PCDHGA7: variants seen among roughly 807,000 people sequenced by gnomAD.
PCDHGA7 encodes protocadherin gamma-A7.
A neutral mutation model predicts 58.3 loss-of-function variants in PCDHGA7; 44 were observed. The ratio of observed to expected loss-of-function variants is 0.75; its 90% CI spans 0.59 to 0.97. PCDHGA7 has a LOEUF of 0.97. Among genes scored for constraint, PCDHGA7 ranks in the 50% least tolerant of loss-of-function variants. The probability of loss-of-function intolerance (pLI) is 0.00; values close to 1 mark genes in which losing one functional copy is unlikely to be tolerated. For synonymous variants in PCDHGA7, 516 were observed against 504.2 expected, an observed-to-expected ratio of 1.02 and a Z score of -0.31; for missense variants, 1,266 against 1,188.7, an observed-to-expected ratio of 1.06 and a Z score of -0.96.
At position 141,383,843 on chromosome 5, in the gene PCDHGA7, A is replaced by T; in HGVS notation, c.944A>T (p.Tyr315Phe). Residue 315 changes from tyrosine (Y) to phenylalanine (F), a missense_variant, in exon 1 of 4, where the codon TAT becomes TTT. By Grantham distance (22) the Tyr-to-Phe change is conservative. Coordinates refer to ENST00000518325, the MANE Select transcript of PCDHGA7 (RefSeq NM_018920.4). ...TTAGATTATGAAGAAACTGCCTTCT[A>T]TGAAATGGAGGTTCAGGCTCAAGAT... ...EGLDYEETAF[Y>F]EMEVQAQDGP... The T allele has an allele frequency of 6.2e-7, 1 of 1,613,970 alleles. No individual in the cohort carries two copies. The highest frequency in any genetic ancestry group is 8.5e-7 in the Non-Finnish European group (1 of 1,179,874).
intron 1 of PCDHGA7, chr5:141,441,209 G>A (rs1276958461): frequency 1.3e-5 from 2 of 152,158 alleles, no homozygotes; most frequent in East Asian, 3.9e-4. Flanking sequence ...TCTGCACCTT[G>A]GACAGTAATC....
At chr5:141,411,227 G>A (rs1276536852) in intron 1 of PCDHGA7, 1 of 152,092 alleles carries the variant, frequency 6.6e-6, no homozygotes, top group Non-Finnish European at 1.5e-5. Context: ...TCAAATTTGC[G>A]AAGACTTAGT....
intron 1 of PCDHGA7, chr5:141,404,040 G>C (rs1373988780): frequency 6.2e-7 from 1 of 1,613,692 alleles, no homozygotes; most frequent in Non-Finnish European, 8.5e-7. Flanking sequence ...GCACCTCAGG[G>C]AACAGTAATT....
Position 141,476,511 on chromosome 5 carries a change from A to G in PCDHGA7, c.2425-18296A>G, listed in dbSNP as rs1562054650. Reference sequence around the variant, plus strand: ...GTGATCCAGGACATCAACGACAACAATCCTGCTTTCCCTACCCAGGAAATG... The same window carrying G: ...GTGATCCAGGACATCAACGACAACAGTCCTGCTTTCCCTACCCAGGAAATG... On this transcript the variant is annotated intron_variant, in intron 1 of 3. Transcript: ENST00000518325. The surrounding 1 kb of genome is among the most constrained non-coding windows in gnomAD (Gnocchi z 7.6). The G allele has an allele frequency of 5.0e-6, 8 of 1,613,902 alleles. No individual in the cohort carries two copies. The highest frequency in any genetic ancestry group is 6.8e-6 in the Non-Finnish European group (8 of 1,179,960).
intron 1 of PCDHGA7, chr5:141,399,935 A>G (rs2093920920): frequency 1.9e-6 from 3 of 1,612,300 alleles, no homozygotes; most frequent in Non-Finnish European, 2.5e-6. Context: ...CTGTCCTACC[A>G]CGTGCTGCAG....
chr5:141,510,978 G>A lies in PCDHGA7; in HGVS notation c.2604G>A (p.Gly868=), dbSNP rs2099883535. 1.2e-6 allele frequency: 2 copies of A among 1,614,160 alleles called. No homozygotes were observed. The change falls in exon 4 of 4, where the codon GGG becomes GGA. Residue 868 remains glycine, a synonymous_variant. Transcript: ENST00000518325. The part of the protein sequence containing the change: ...EAADGSSTLG[G]GAGTMGLSAR... Reference sequence around the variant, plus strand: ...CTGATGGGAGCTCCACCCTGGGAGGGGGTGCCGGCACCATGGGATTGAGCG... The same window carrying A: ...CTGATGGGAGCTCCACCCTGGGAGGAGGTGCCGGCACCATGGGATTGAGCG...
At chr5:141,405,880 G>T (rs2094729430) in intron 1 of PCDHGA7, among the ~76,000 whole-genome samples, 1 of 152,110 alleles carries the variant, frequency 6.6e-6, no homozygotes, top group Non-Finnish European at 1.5e-5. Flanking sequence ...GGGCCTAATT[G>T]TTGCTCCAAC....
rs201160783 is a variant in PCDHGA7, at chr5:141,418,846, A to G, written c.2424+33523A>G. The G allele has an allele frequency of 7.4e-5, 120 of 1,613,976 alleles. No homozygotes were observed. In the East Asian group the frequency reaches 2.6e-3, roughly 34 times the overall value. On this transcript the variant is annotated intron_variant, in intron 1 of 3. Transcript: ENST00000518325. Reference sequence around the variant, plus strand: ...CAAAAGACCGAGGATCTCTCTCAACACGGTGTAAAGTAATTGTAGAAGTTG... The same window carrying G: ...CAAAAGACCGAGGATCTCTCTCAACGCGGTGTAAAGTAATTGTAGAAGTTG...
At chr5:141,398,293 T>A in intron 1 of PCDHGA7, 1 of 1,383,344 alleles carries the variant, frequency 7.2e-7, no homozygotes, top group Non-Finnish European at 9.9e-7. Flanking sequence ...GGACCTGGGG[T>A]TCAGCGTCCA....
chr5:141,489,191 T>C lies in PCDHGA7; in HGVS notation c.2425-5616T>C. On this transcript the variant is annotated intron_variant, in intron 1 of 3. Coordinates refer to ENST00000518325, the MANE Select transcript of PCDHGA7 (RefSeq NM_018920.4). The surrounding 1 kb of genome is among the most constrained non-coding windows in gnomAD (Gnocchi z 4.5). ...CTGCATTCCAAGCCCTGGGTCTACC[T>C]TGGAGACAGGACAGCACAGACTTAC... The C allele has an allele frequency of 7.3e-7, 1 of 1,364,400 alleles. No homozygotes were observed. Among genetic ancestry groups the C allele is most frequent in the Middle Eastern group, 1.9e-4 (1 of 5,334 alleles). The allele number at this position is 1,364,400 out of a possible 1,614,324, so 84.5% of individuals were successfully genotyped here. A position where few individuals can be genotyped will look rare whatever the true frequency, so the allele number is the denominator to read the frequency against.
At chr5:141,425,802 C>T (rs966768224) in intron 1 of PCDHGA7, among the ~76,000 whole-genome samples, 6 of 152,160 alleles carry the variant, frequency 3.9e-5, no homozygotes, top group African/African-American at 1.4e-4. Context: ...ATGTGCATTG[C>T]TTCTGCTTAG....
chr5:141,384,001 C>G lies in PCDHGA7; in HGVS notation c.1102C>G (p.Leu368Val), dbSNP rs1561599904. 1 of 1,613,828 alleles carries G rather than the reference C, an allele frequency of 6.2e-7. No individual in the cohort carries two copies. ...CACACCTCTTGGGACAGTCATTGCTCTTTTCTACCTACAAGACAGAGATTC... is the reference window on the plus strand; with the variant it reads ...CACACCTCTTGGGACAGTCATTGCTGTTTTCTACCTACAAGACAGAGATTC... Reference protein sequence around the residue: ...EDTPLGTVIALFYLQDRDSGK... With the variant: ...EDTPLGTVIAVFYLQDRDSGK... The change falls in exon 1 of 4, where the codon CTT becomes GTT. Residue 368 changes from leucine to valine, a missense_variant. Physicochemically the swap from Leu to Val is conservative, Grantham distance 32. Transcript: ENST00000518325.
intron 1 of PCDHGA7, chr5:141,404,548 G>C (rs761765539): frequency 1.2e-5 from 20 of 1,613,740 alleles, no homozygotes. Context: ...AAATGCAGGT[G>C]ACGGCAAGTG....
At chr5:141,441,878 TG>T in intron 1 of PCDHGA7, 1 of 343,708 alleles carries the variant, frequency 2.9e-6, no homozygotes, top group Non-Finnish European at 5.6e-6. Context: ...CCTGGCTACC[TG>T]GTCACCAAGG....
intron 2 of PCDHGA7, among the ~76,000 whole-genome samples, chr5:141,496,207 T>C (rs973745475): frequency 6.6e-6 from 1 of 152,134 alleles, no homozygotes; most frequent in Non-Finnish European, 1.5e-5. Flanking sequence ...CAATCTGGTA[T>C]GAATTCCTGC....
intron 1 of PCDHGA7, among the ~76,000 whole-genome samples, chr5:141,456,023 G>A (rs937523861): frequency 1.3e-5 from 2 of 151,586 alleles, no homozygotes; most frequent in South Asian, 2.1e-4. Context: ...TCAGCCTCCC[G>A]AGTAGCTGGG....
chr5:141,470,550 A>G (rs899475300), intron 1 of PCDHGA7, among the ~76,000 whole-genome samples: 1 of 152,120 alleles, frequency 6.6e-6, no homozygotes, highest in Non-Finnish European at 1.5e-5. Flanking sequence ...ATTTATTGAG[A>G]GTTTCCTCTG....
intron 1 of PCDHGA7, among the ~76,000 whole-genome samples, chr5:141,457,254 A>G (rs2098914828): frequency 6.6e-6 from 1 of 152,222 alleles, no homozygotes; most frequent in Admixed American, 6.5e-5. Flanking sequence ...TTGCCAACAT[A>G]TAGAATTCCC....
chr5:141,491,876 A>G lies in PCDHGA7; in HGVS notation c.2425-2931A>G. ...TTGCGCGAAACCAGAGTGGCCGATT[A>G]AGGGATGGGGCTCCGAGCACCGGGG... On this transcript the variant is annotated intron_variant, in intron 1 of 3. Coordinates refer to ENST00000518325, the MANE Select transcript of PCDHGA7 (RefSeq NM_018920.4). The surrounding 1 kb of genome is among the most constrained non-coding windows in gnomAD (Gnocchi z 6.9). 2.1e-6 allele frequency: 3 copies of G among 1,450,326 alleles called. No individual in the cohort carries two copies. Among genetic ancestry groups the G allele is most frequent in the Non-Finnish European group, 1.8e-6 (2 of 1,097,472 alleles). 89.8% of individuals were successfully genotyped at this position (1,450,326 alleles called of 1,614,324 possible).
Sources: gnomAD v4.1 joint callset for allele counts (sites outside exome capture counted in the v4.1 genomes callset) on GRCh38, gnomAD v4.1.1 for gene constraint, Gnocchi (gnomAD v3.1) non-coding constraint, MANE v1.5 for transcripts, NCBI Gene and HGNC (gene_info 2026-07-23, HGNC 2026-07-21) for gene names.